The following DGKI variants were observed in gnomAD, a reference collection of about 807,000 sequenced individuals.
DGKI encodes DAG kinase iota.
DGKI carries 55 observed loss-of-function variants against 147.5 expected under a neutral mutation model. That is an observed-to-expected ratio of 0.37 (90% CI 0.30 to 0.47). The LOEUF (loss-of-function observed/expected upper bound fraction) is 0.47, where lower values mean the gene tolerates loss of function less well. DGKI is among the 20% of genes least tolerant of loss of function. The pLI, the probability that DGKI is intolerant of heterozygous loss-of-function variation, is 1.00. For missense variants in DGKI, 1,007 were observed against 1,323.8 expected (o/e 0.76, Z 3.71); for synonymous variants, 469 against 477.1 (o/e 0.98, Z 0.22).
At chr7:137,644,944 G>C (rs145780651) in intron 6 of DGKI, among the ~76,000 whole-genome samples, 1 of 152,158 alleles carries the variant, frequency 6.6e-6, no homozygotes, top group Non-Finnish European at 1.5e-5. Context: ...ACTGCATCCT[G>C]AGGGACCTAT....
intron 27 of DGKI, among the ~76,000 whole-genome samples, chr7:137,447,153 CA>C (rs1484179418): frequency 6.6e-6 from 1 of 152,118 alleles, no homozygotes; most frequent in Admixed American, 6.5e-5. Flanking sequence ...CAAAATAATA[CA>C]AAACAAAAAT....
chr7:137,667,151 A>T (rs1378789189), intron 3 of DGKI, among the ~76,000 whole-genome samples: 2 of 152,076 alleles, frequency 1.3e-5, no homozygotes. Flanking sequence ...CAGCAGGTCA[A>T]AGTTGCCAGG....
At chr7:137,675,224 C>T (rs1822989793) in intron 3 of DGKI, among the ~76,000 whole-genome samples, 1 of 148,318 alleles carries the variant, frequency 6.7e-6, no homozygotes, top group African/African-American at 2.6e-5. Context: ...TGAAACATGG[C>T]CACCCACGTT....
intron 1 of DGKI, among the ~76,000 whole-genome samples, chr7:137,742,866 G>A (rs935004323): frequency 3.9e-5 from 6 of 152,102 alleles, no homozygotes; most frequent in African/African-American, 7.2e-5. Context: ...TGGAAAAATC[G>A]AAGGCTGTTT....
chr7:137,704,943 A>C (rs897398200), intron 1 of DGKI, among the ~76,000 whole-genome samples: 2 of 152,224 alleles, frequency 1.3e-5, no homozygotes, highest in African/African-American at 2.4e-5. Flanking sequence ...TCAATCAAAA[A>C]TGAAGAAAGA....
At chr7:137,485,177 G>T (rs1815509067) in intron 23 of DGKI, among the ~76,000 whole-genome samples, 197 bp downstream of exon 23, 1 of 152,032 alleles carries the variant, frequency 6.6e-6, no homozygotes, top group African/African-American at 2.4e-5. Flanking sequence ...AAAATCCACA[G>T]TCTAAATTTG....
chr7:137,576,349 T>C (rs1042934557), intron 17 of DGKI, among the ~76,000 whole-genome samples: 1 of 151,638 alleles, frequency 6.6e-6, no homozygotes, highest in African/African-American at 2.4e-5. Context: ...ATCAAAATTA[T>C]TCTTATTCTT....
At chr7:137,782,516 C>T (rs1796548727) in intron 1 of DGKI, among the ~76,000 whole-genome samples, 1 of 152,158 alleles carries the variant, frequency 6.6e-6, no homozygotes, top group Admixed American at 6.5e-5. Flanking sequence ...TCTACCTAGC[C>T]TGGTAGCCAA....
intron 27 of DGKI, among the ~76,000 whole-genome samples, chr7:137,445,152 T>C (rs1238145245): frequency 6.6e-6 from 1 of 152,168 alleles, no homozygotes; most frequent in Non-Finnish European, 1.5e-5. Context: ...AATACAAAAA[T>C]GGTTGAAAAT....
At chr7:137,451,861 T>C (rs1813977638) in intron 27 of DGKI, among the ~76,000 whole-genome samples, 1 of 152,200 alleles carries the variant, frequency 6.6e-6, no homozygotes, top group Non-Finnish European at 1.5e-5. Context: ...CATATTTTGC[T>C]TTATTTATTT....
chr7:137,740,818 C>A (rs918417858), intron 1 of DGKI, among the ~76,000 whole-genome samples: 10 of 152,082 alleles, frequency 6.6e-5, no homozygotes, highest in African/African-American at 9.7e-5. Context: ...AACAATGAGG[C>A]TTTTCTCATG....
chr7:137,843,856 T>A (rs1798631363), intron 1 of DGKI, among the ~76,000 whole-genome samples: 1 of 151,652 alleles, frequency 6.6e-6, no homozygotes, highest in Non-Finnish European at 1.5e-5. Flanking sequence ...AATACACATG[T>A]TCTTCAAAAG....
Position 137,585,214 on chromosome 7 carries a change from A to G in DGKI, c.1558T>C (p.Cys520Arg). The G allele has an allele frequency of 6.2e-7, 1 of 1,614,106 alleles. No homozygotes were observed. Among genetic ancestry groups the G allele is most frequent in the African/African-American group, 1.3e-5 (1 of 75,036 alleles). ...AGAACAAAAAACTCTCTAACCTTACATACGCCATCTTCAAGTTCTTCTGGA... is the reference window on the plus strand; with the variant it reads ...AGAACAAAAAACTCTCTAACCTTACGTACGCCATCTTCAAGTTCTTCTGGA... ...LPPEELEDGV[C>R]KLPLNVFNNY... is the part of the protein sequence containing the mutation. The change falls in exon 14 of 33, where the codon TGT becomes CGT. Residue 520 changes from cysteine (C) to arginine (R), a missense_variant. Around this residue, in one of 5 missense-constraint regions of DGKI, gnomAD observed 224 missense variants for 382.7 expected, o/e 0.59. Transcript: ENST00000614521.
intron 21 of DGKI, among the ~76,000 whole-genome samples, chr7:137,496,935 A>G (rs1443354709): frequency 6.6e-6 from 1 of 152,124 alleles, no homozygotes; most frequent in African/African-American, 2.4e-5. Flanking sequence ...AACAACAACA[A>G]AAACAACAAA....
At chr7:137,419,608 G>A (rs1049651864) in intron 28 of DGKI, among the ~76,000 whole-genome samples, 13 of 152,252 alleles carry the variant, frequency 8.5e-5, no homozygotes, top group East Asian at 1.9e-4. Flanking sequence ...CACAGGTATG[G>A]ATGACCGCTG....
chr7:137,780,941 G>A (rs940152025), intron 1 of DGKI, among the ~76,000 whole-genome samples: 1 of 152,132 alleles, frequency 6.6e-6, no homozygotes, highest in African/African-American at 2.4e-5. Flanking sequence ...CAAGAAAGAG[G>A]GACTTTAAAA....
chr7:137,480,812 T>C lies in DGKI; in HGVS notation c.2373+4562A>G, dbSNP rs547830422. Among the ~76,000 whole-genome samples, 6 of 152,274 alleles carry C rather than the reference T, an allele frequency of 3.9e-5. No individual in the cohort carries two copies. The South Asian group carries it at 1.0e-3, about 26-fold the overall frequency. On this transcript the variant is annotated intron_variant, in intron 23 of 32. Coordinates refer to ENST00000614521, the MANE Select transcript of DGKI (RefSeq NM_001321708.2). ...CACTAAAATCTCAAGTTATAATTCCTACCATTTAATGCCCCATAAAGAATC... is the reference window on the plus strand; with the variant it reads ...CACTAAAATCTCAAGTTATAATTCCCACCATTTAATGCCCCATAAAGAATC...
intron 19 of DGKI, among the ~76,000 whole-genome samples, chr7:137,555,606 G>T (rs17169262): frequency 0.11 from 16,603 of 151,990 alleles, 2,045 homozygotes; most frequent in African/African-American, 0.3. Flanking sequence ...AGGAATTTTA[G>T]GAAAACAATA....
At chr7:137,489,876 G>A (rs192975508) in intron 21 of DGKI, among the ~76,000 whole-genome samples, 232 of 152,228 alleles carry the variant, frequency 1.5e-3, no homozygotes, top group Non-Finnish European at 2.7e-3. Context: ...TTTGGAGTTA[G>A]TCTGGTCCAA....
Sources: gnomAD v4.1 joint callset for allele counts (sites outside exome capture counted in the v4.1 genomes callset) on GRCh38, gnomAD v4.1.1 for gene constraint, gnomAD v4.1.1 regional missense constraint, MANE v1.5 for transcripts, NCBI Gene and HGNC (gene_info 2026-07-23, HGNC 2026-07-21) for gene names.